The following GPATCH2 variants were observed in gnomAD, a reference collection of about 807,000 sequenced individuals.
GPATCH2 encodes the protein G-patch domain containing 2.
Under a neutral mutation model 58.0 loss-of-function variants are expected in GPATCH2, and 51 were observed. That is an observed-to-expected ratio of 0.88 (90% CI 0.70 to 1.11). GPATCH2 has a LOEUF of 1.11. Ranked by LOEUF, GPATCH2 falls within the 50% of genes most tolerant of loss-of-function variation. The probability of loss-of-function intolerance (pLI) is 0.00; values close to 1 mark genes in which losing one functional copy is unlikely to be tolerated. For synonymous variants in GPATCH2, 222 were observed against 218.5 expected (o/e 1.02, Z -0.14); for missense variants, 625 against 652.2 (o/e 0.96, Z 0.45).
At chr1:217,548,780 C>T (rs1665202036) in intron 5 of GPATCH2, among the ~76,000 whole-genome samples, 1 of 152,050 alleles carries the variant, frequency 6.6e-6, no homozygotes, top group African/African-American at 2.4e-5. Context: ...CTGGCATTTC[C>T]CCTGCTGGCA....
chr1:217,480,699 G>T (rs995655155), intron 8 of GPATCH2, among the ~76,000 whole-genome samples: 1 of 152,142 alleles, frequency 6.6e-6, no homozygotes, highest in Non-Finnish European at 1.5e-5. Context: ...TCCCATGTTT[G>T]TTGCAGCACA....
At chr1:217,459,798 G>A (rs1385306186) in intron 8 of GPATCH2, among the ~76,000 whole-genome samples, 1 of 151,834 alleles carries the variant, frequency 6.6e-6, no homozygotes, top group Non-Finnish European at 1.5e-5. Flanking sequence ...ACTCATTTTT[G>A]GATCTACTTC....
At chr1:217,521,956 A>T (rs79331731) in intron 5 of GPATCH2, among the ~76,000 whole-genome samples, 2,598 of 152,280 alleles carry the variant, frequency 0.017, 76 homozygotes, top group African/African-American at 0.058. Flanking sequence ...CATAGACTTC[A>T]GTTAGTTTCG....
intron 8 of GPATCH2, among the ~76,000 whole-genome samples, chr1:217,465,329 ATATAAG>A (rs1263566020): frequency 1.3e-5 from 2 of 152,244 alleles, no homozygotes; most frequent in African/African-American, 4.8e-5. Context: ...AGAAGATCCA[ATATAAG>A]TATAATACAA....
intron 8 of GPATCH2, among the ~76,000 whole-genome samples, chr1:217,481,346 T>C (rs533769602): frequency 6.6e-6 from 1 of 152,232 alleles, no homozygotes; most frequent in South Asian, 2.1e-4. Context: ...AATATTAAAC[T>C]GAAAACTTTA....
intron 8 of GPATCH2, among the ~76,000 whole-genome samples, chr1:217,482,896 T>G (rs953649516): frequency 3.3e-5 from 5 of 152,134 alleles, no homozygotes; most frequent in Non-Finnish European, 5.9e-5. Context: ...TGTAGCCCTT[T>G]CCTCCCACAT....
intron 5 of GPATCH2, among the ~76,000 whole-genome samples, chr1:217,594,493 G>T (rs12140226): frequency 0.16 from 23,905 of 151,860 alleles, 2,415 homozygotes; most frequent in Non-Finnish European, 0.22. Flanking sequence ...GTAACTTCAT[G>T]TGGTACTTTG....
intron 5 of GPATCH2, among the ~76,000 whole-genome samples, chr1:217,606,168 G>T (rs1668352285): frequency 1.3e-5 from 2 of 151,308 alleles, no homozygotes; most frequent in Admixed American, 6.6e-5. Context: ...ATAGGTTCAG[G>T]AATAGCTATT....
chr1:217,626,948 A>C (rs865961236), intron 1 of GPATCH2, among the ~76,000 whole-genome samples: 2 of 152,044 alleles, frequency 1.3e-5, no homozygotes, highest in Non-Finnish European at 2.9e-5. Flanking sequence ...ACTTTACATT[A>C]ATATTAGGCA....
chr1:217,589,909 T>TAACC (rs1437439196), intron 5 of GPATCH2, among the ~76,000 whole-genome samples: 1 of 152,250 alleles, frequency 6.6e-6, no homozygotes, highest in East Asian at 1.9e-4. Context: ...AGTGCTTCTA[T>TAACC]AACCAACTCT....
At chr1:217,574,002 T>C (rs1666690213) in intron 5 of GPATCH2, among the ~76,000 whole-genome samples, 1 of 152,174 alleles carries the variant, frequency 6.6e-6, no homozygotes, top group South Asian at 2.1e-4. Flanking sequence ...TTGGCAAAAA[T>C]GATATCTGAG....
intron 5 of GPATCH2, among the ~76,000 whole-genome samples, chr1:217,601,475 A>G (rs531868773): frequency 3.4e-4 from 51 of 152,112 alleles, no homozygotes; most frequent in Non-Finnish European, 5.9e-4. Flanking sequence ...TACCTGGTAA[A>G]CAAAAGTGCC....
intron 6 of GPATCH2, among the ~76,000 whole-genome samples, chr1:217,502,130 G>GT (rs1197160169): frequency 2.0e-5 from 3 of 152,116 alleles, no homozygotes; most frequent in East Asian, 1.9e-4. Flanking sequence ...TAGCTATACA[G>GT]TAAGTACTGA....
chr1:217,629,012 C>G (rs1351598563), intron 1 of GPATCH2, among the ~76,000 whole-genome samples: 1 of 152,032 alleles, frequency 6.6e-6, no homozygotes, highest in East Asian at 1.9e-4. Context: ...GTCACCTTAT[C>G]TAAAATGCAA....
intron 8 of GPATCH2, among the ~76,000 whole-genome samples, chr1:217,458,805 T>C (rs989564664): frequency 6.6e-6 from 1 of 152,226 alleles, no homozygotes; most frequent in African/African-American, 2.4e-5. Flanking sequence ...CTCTTTGAAC[T>C]TTCCTAACCT....
At position 217,430,494 on chromosome 1, in the gene GPATCH2, G is replaced by A. The variant is rs923830388; in HGVS notation, c.*651C>T. On this transcript the variant is annotated 3_prime_UTR_variant, in exon 10 of 10. Transcript: ENST00000366935. ...ATTAAAGTAAGGTAGAGGGCACTCT[G>A]GTGATAACAACGATGAGGTTTATTT... 2 of 152,158 alleles carry A rather than the reference G, an allele frequency of 1.3e-5. No individual in the cohort carries two copies. The highest frequency in any genetic ancestry group is 4.8e-5 in the African/African-American group (2 of 41,420). 9.4% of individuals were successfully genotyped at this position (152,158 alleles called of 1,614,324 possible).
At chr1:217,604,908 C>T (rs1447240182) in intron 5 of GPATCH2, among the ~76,000 whole-genome samples, 1 of 152,146 alleles carries the variant, frequency 6.6e-6, no homozygotes, top group Admixed American at 6.5e-5. Flanking sequence ...ACCTGTAGTC[C>T]CAGCTACTGG....
At chr1:217,578,505 G>T (rs1011659077) in intron 5 of GPATCH2, among the ~76,000 whole-genome samples, 1 of 152,148 alleles carries the variant, frequency 6.6e-6, no homozygotes, top group East Asian at 1.9e-4. Context: ...TCCCACCTCG[G>T]TATCCTAAAG....
chr1:217,469,830 G>GT (rs1363777308), intron 8 of GPATCH2, among the ~76,000 whole-genome samples: 4 of 152,032 alleles, frequency 2.6e-5, no homozygotes, highest in Admixed American at 6.6e-5. Context: ...AATTTAATAG[G>GT]TTTTTTCCTG....
Sources: allele counts gnomAD v4.1 joint callset (sites outside exome capture counted in the v4.1 genomes callset), GRCh38; gene constraint gnomAD v4.1.1; transcripts MANE v1.5; gene names NCBI Gene and HGNC (gene_info 2026-07-23, HGNC 2026-07-21).